Variants in CNTN5 observed in about 807,000 individuals in gnomAD.
The protein encoded by CNTN5 is contactin-5.
CNTN5 carries 77 observed loss-of-function variants against 129.1 expected under a neutral mutation model. The observed-to-expected ratio is 0.60, with a 90% CI of 0.50 to 0.72. CNTN5 has a LOEUF of 0.72. CNTN5 is among the 30% of genes least tolerant of loss of function. CNTN5 has a pLI of 0.00. For synonymous variants in CNTN5, 509 were observed against 465.6 expected (o/e 1.09, Z -1.20); for missense variants, 1,478 against 1,328.8 (o/e 1.11, Z -1.75).
At chr11:100,290,026 A>T (rs879271098) in intron 18 of CNTN5, among the ~76,000 whole-genome samples, 1 of 150,178 alleles carries the variant, frequency 6.7e-6, no homozygotes, top group Non-Finnish European at 1.5e-5. Flanking sequence ...AGAGAATAAA[A>T]TACCTAGGAA....
intron 6 of CNTN5, among the ~76,000 whole-genome samples, chr11:99,870,697 C>G (rs551844577): frequency 7.9e-5 from 12 of 152,028 alleles, no homozygotes; most frequent in Non-Finnish European, 1.0e-4. Context: ...TAATTACGGA[C>G]AATTTGAAAG....
chr11:100,075,129 T>C (rs1447212891), intron 13 of CNTN5, among the ~76,000 whole-genome samples: 1 of 152,198 alleles, frequency 6.6e-6, no homozygotes, highest in African/African-American at 2.4e-5. Flanking sequence ...ATTAAAATAA[T>C]TTAAGTCTGC....
chr11:99,507,952 G>T (rs373493300), intron 2 of CNTN5, among the ~76,000 whole-genome samples: 3 of 152,156 alleles, frequency 2.0e-5, no homozygotes, highest in East Asian at 1.9e-4. Context: ...GTGTTTTTAT[G>T]AAGTAAATGT....
At chr11:100,118,977 T>G (rs1284419768) in intron 13 of CNTN5, among the ~76,000 whole-genome samples, 1 of 151,800 alleles carries the variant, frequency 6.6e-6, no homozygotes, top group African/African-American at 2.4e-5. Flanking sequence ...TCATAAGCCA[T>G]GTACATTTTC....
At chr11:100,282,089 C>T (rs1164912159) in intron 18 of CNTN5, among the ~76,000 whole-genome samples, 1 of 151,686 alleles carries the variant, frequency 6.6e-6, no homozygotes, top group Non-Finnish European at 1.5e-5. Flanking sequence ...GGATTGGTCC[C>T]CGGTGGCATA....
At chr11:99,519,721 A>G (rs1388466570) in intron 2 of CNTN5, among the ~76,000 whole-genome samples, 2 of 152,114 alleles carry the variant, frequency 1.3e-5, no homozygotes, top group Non-Finnish European at 2.9e-5. Flanking sequence ...ATAAAAATAT[A>G]CATTTCACAT....
chr11:99,380,768 C>CAAAAAAAAAAAAAAAAAAAAAAAAA (rs769229566), intron 2 of CNTN5, among the ~76,000 whole-genome samples: 1 of 102,438 alleles, frequency 9.8e-6, no homozygotes, highest in Non-Finnish European at 1.8e-5. Context: ...AACTCTATCT[C>CAAAAAAAAAAAAAAAAAAAAAAAAA]AAAAAAAAAA....
chr11:99,350,558 G>A (rs955736203), intron 2 of CNTN5, among the ~76,000 whole-genome samples: 1 of 152,088 alleles, frequency 6.6e-6, no homozygotes, highest in African/African-American at 2.4e-5. Flanking sequence ...GAAGAGTCCT[G>A]CTGTCTGTTA....
Position 100,235,868 on chromosome 11 carries a change from C to T in CNTN5, c.2005+11056C>T, listed in dbSNP as rs140145124. On this transcript the variant is annotated intron_variant, in intron 16 of 24. Coordinates refer to ENST00000524871, the MANE Select transcript of CNTN5 (RefSeq NM_014361.4). The stretch of plus-strand genomic sequence containing the variant: ...CTTCACTTTCGTTTTTTGAGGGTTC[C>T]GTCACAATCCATTGCAGCATTCCTC... 1.6e-3 allele frequency among the ~76,000 whole-genome samples: 247 copies of T among 152,092 alleles called. 1 individual carries two copies. Among genetic ancestry groups the T allele is most frequent in the African/African-American group, 5.7e-3 (237 of 41,484 alleles).
chr11:99,371,739 C>A (rs1416756436), intron 2 of CNTN5, among the ~76,000 whole-genome samples: 1 of 152,126 alleles, frequency 6.6e-6, no homozygotes, highest in African/African-American at 2.4e-5. Flanking sequence ...CTATTTTTAA[C>A]TTTCTTTCCA....
chr11:100,201,636 C>T (rs1948780475), intron 15 of CNTN5, among the ~76,000 whole-genome samples: 1 of 134,962 alleles, frequency 7.4e-6, no homozygotes, highest in African/African-American at 2.5e-5. Context: ...TTTTCCTTTA[C>T]TTGTCTTTCA....
intron 7 of CNTN5, among the ~76,000 whole-genome samples, chr11:99,939,068 G>A (rs749523384): frequency 3.3e-5 from 5 of 151,840 alleles, no homozygotes; most frequent in African/African-American, 7.3e-5. Context: ...TCAACCCTCC[G>A]GTGTTTCTAA....
At chr11:100,002,207 C>G in intron 9 of CNTN5, 71 bp downstream of exon 9, 2 of 1,035,952 alleles carry the variant, frequency 1.9e-6, no homozygotes, top group Middle Eastern at 2.1e-4. Context: ...TTTTGGATCA[C>G]TTATTTTGCT....
At chr11:99,708,610 T>A (rs1954848266) in intron 3 of CNTN5, among the ~76,000 whole-genome samples, 1 of 151,694 alleles carries the variant, frequency 6.6e-6, no homozygotes, top group Non-Finnish European at 1.5e-5. Flanking sequence ...TGCCAAGCAG[T>A]CAAATCTAAC....
chr11:99,023,398 G>A (rs1324630017), intron 1 of CNTN5, among the ~76,000 whole-genome samples: 2 of 152,214 alleles, frequency 1.3e-5, no homozygotes, highest in Non-Finnish European at 2.9e-5. Context: ...AGAGGTAGGA[G>A]TGTGATTGTC....
intron 8 of CNTN5, among the ~76,000 whole-genome samples, chr11:99,960,740 T>G (rs1033947268): frequency 6.6e-6 from 1 of 152,100 alleles, no homozygotes; most frequent in Non-Finnish European, 1.5e-5. Flanking sequence ...AAAATCGTAA[T>G]GAAGGCATTG....
chr11:100,071,540 A>G (rs945079550), intron 11 of CNTN5, among the ~76,000 whole-genome samples, 165 bp from the exon 12 acceptor site: 2 of 152,224 alleles, frequency 1.3e-5, no homozygotes, highest in Non-Finnish European at 2.9e-5. Context: ...TACAAGTGGC[A>G]TGTTATAATA....
chr11:99,096,398 T>C (rs950679824), intron 1 of CNTN5, among the ~76,000 whole-genome samples: 4 of 151,848 alleles, frequency 2.6e-5, no homozygotes, highest in African/African-American at 9.7e-5. Flanking sequence ...ATAAATTTAA[T>C]GGACCAGTAA....
chr11:99,164,322 C>CAAA (rs35669418), intron 1 of CNTN5, among the ~76,000 whole-genome samples: 10 of 48,972 alleles, frequency 2.0e-4, no homozygotes, highest in Admixed American at 4.6e-4. Context: ...CACTCCATCT[C>CAAA]AAAAAAAAAA....
Sources: gnomAD v4.1 joint callset for allele counts (sites outside exome capture counted in the v4.1 genomes callset) on GRCh38, gnomAD v4.1.1 for gene constraint, MANE v1.5 for transcripts, NCBI Gene and HGNC (gene_info 2026-07-23, HGNC 2026-07-21) for gene names.